The following COL14A1 variants were observed in gnomAD, a reference collection of about 807,000 sequenced individuals.
The protein encoded by COL14A1 is collagen type XIV alpha 1 chain.
A neutral mutation model predicts 230.3 loss-of-function variants in COL14A1; 136 were observed. That is an observed-to-expected ratio of 0.59 (90% CI 0.51 to 0.68). The LOEUF (loss-of-function observed/expected upper bound fraction) is 0.68, where lower values mean the gene tolerates loss of function less well. Ranked by LOEUF, COL14A1 falls within the 30% of genes least tolerant of loss-of-function variation. The probability of loss-of-function intolerance (pLI) is 0.00; values close to 1 mark genes in which losing one functional copy is unlikely to be tolerated. For synonymous variants in COL14A1, 792 were observed against 784.1 expected (o/e 1.01, Z -0.17); for missense variants, 1,976 against 2,215.8 (o/e 0.89, Z 2.17).
intron 26 of COL14A1, among the ~76,000 whole-genome samples, chr8:120,271,662 G>A (rs950491432): frequency 6.6e-6 from 1 of 151,616 alleles, no homozygotes; most frequent in Non-Finnish European, 1.5e-5. Context: ...CCCAAGGTGA[G>A]AATGAGTTTT....
At chr8:120,182,941 G>T (rs1208892826) in intron 5 of COL14A1, among the ~76,000 whole-genome samples, 1 of 151,812 alleles carries the variant, frequency 6.6e-6, no homozygotes, top group Non-Finnish European at 1.5e-5. Flanking sequence ...TGCCCAGGGT[G>T]GTCTCAAACT....
At position 120,147,810 on chromosome 8, in the gene COL14A1, C is replaced by G; in HGVS notation, c.-33C>G. On this transcript the variant is annotated 5_prime_UTR_variant, in exon 2 of 48. Coordinates refer to ENST00000297848, the MANE Select transcript of COL14A1 (RefSeq NM_021110.4). ...TCCTGTTCTCTCTGTTTCTAGGTGG[C>G]TGCTACACCCCATGTAAAAAGCGGA... The G allele has an allele frequency of 1.9e-6, 3 of 1,538,834 alleles. No individual in the cohort carries two copies. The highest frequency in any genetic ancestry group is 2.7e-6 in the Non-Finnish European group (3 of 1,116,712).
intron 23 of COL14A1, among the ~76,000 whole-genome samples, chr8:120,261,288 A>G (rs538563395): frequency 6.6e-6 from 1 of 152,338 alleles, no homozygotes; most frequent in South Asian, 2.1e-4. Flanking sequence ...TGAAGAAGTT[A>G]TTAACTTTTC....
intron 19 of COL14A1, chr8:120,231,894 C>T (rs563301173): frequency 4.1e-5 from 13 of 317,386 alleles, no homozygotes; most frequent in African/African-American, 1.1e-4. Context: ...CCTGTTCGAG[C>T]ACCAAAGTTG....
rs374103970 is a variant in COL14A1, at chr8:120,353,479, G to T, written c.5077+7916G>T. ...ACCTACAAAATGGGAGAAAATTTTCGCAACCTACTCATCTGACAAAGGGCT... is the reference window on the plus strand; with the variant it reads ...ACCTACAAAATGGGAGAAAATTTTCTCAACCTACTCATCTGACAAAGGGCT... On this transcript the variant is annotated intron_variant, in intron 45 of 47. Transcript: ENST00000297848. Among the ~76,000 whole-genome samples, 7 of 134,704 alleles carry T rather than the reference G, an allele frequency of 5.2e-5. No homozygotes were observed. The East Asian group carries it at 6.6e-4, about 13-fold the overall frequency. 88.4% of individuals were successfully genotyped at this position (134,704 alleles called of 152,430 possible). A position where few individuals can be genotyped will look rare whatever the true frequency, so the allele number is the denominator to read the frequency against.
chr8:120,232,097 G>A (rs545819940), intron 19 of COL14A1: 1 of 152,366 alleles, frequency 6.6e-6, no homozygotes, highest in Non-Finnish European at 1.5e-5. Flanking sequence ...TTAACCAATA[G>A]TTATATTTTT....
At chr8:120,340,624 TG>T (rs1822260651) in intron 42 of COL14A1, among the ~76,000 whole-genome samples, 2 of 152,226 alleles carry the variant, frequency 1.3e-5, no homozygotes, top group Admixed American at 1.3e-4. Context: ...TTGCATTAGA[TG>T]TATGATTTTT....
chr8:120,312,816 T>G (rs1821088438), intron 37 of COL14A1, among the ~76,000 whole-genome samples: 1 of 152,188 alleles, frequency 6.6e-6, no homozygotes, highest in South Asian at 2.1e-4. Context: ...TTCTGTATTC[T>G]TTGTCCCATG....
At chr8:120,192,549 T>A (rs1816864745) in intron 5 of COL14A1, among the ~76,000 whole-genome samples, 1 of 152,172 alleles carries the variant, frequency 6.6e-6, no homozygotes, top group African/African-American at 2.4e-5. Flanking sequence ...TCGAGGAGTA[T>A]CTTTGTGGCG....
chr8:120,229,672 C>A (rs1818207759), intron 18 of COL14A1, among the ~76,000 whole-genome samples: 1 of 152,112 alleles, frequency 6.6e-6, no homozygotes, highest in Non-Finnish European at 1.5e-5. Flanking sequence ...TTCTAGATCC[C>A]TGAGGAATCG....
chr8:120,328,397 A>ATT (rs35635525), intron 40 of COL14A1, among the ~76,000 whole-genome samples: 178 of 141,548 alleles, frequency 1.3e-3, no homozygotes, highest in African/African-American at 2.9e-3. Flanking sequence ...TTTTTTTTTA[A>ATT]TTTTTTTTTT....
chr8:120,131,838 CTTTTTTTTTTTTTTT>C (rs1172286717), intron 1 of COL14A1, among the ~76,000 whole-genome samples: 4 of 68,950 alleles, frequency 5.8e-5, no homozygotes, highest in South Asian at 1.2e-3. Flanking sequence ...TTCTTCCTTT[CTTTTTTTTTTTTTTT>C]TTTTTTTTTT....
chr8:120,162,600 G>A (rs376243865), intron 4 of COL14A1, 31 bp downstream of exon 4: 20 of 1,553,434 alleles, frequency 1.3e-5, no homozygotes, highest in African/African-American at 1.1e-4. Flanking sequence ...AAGCACCTCC[G>A]CAGGACTCTG....
chr8:120,216,309 A>G, intron 13 of COL14A1, 42 bp from the exon 14 acceptor site: 2 of 1,556,138 alleles, frequency 1.3e-6, no homozygotes, highest in South Asian at 1.2e-5. Context: ...ACATGTATGT[A>G]ATTTGACATT....
chr8:120,190,590 G>A (rs557345595), intron 5 of COL14A1, among the ~76,000 whole-genome samples: 2 of 152,254 alleles, frequency 1.3e-5, no homozygotes, highest in South Asian at 4.1e-4. Flanking sequence ...TAATGCCTAG[G>A]TTTTCTCCTC....
chr8:120,246,793 C>A (rs1211329612), intron 20 of COL14A1, among the ~76,000 whole-genome samples: 1 of 152,036 alleles, frequency 6.6e-6, no homozygotes, highest in Non-Finnish European at 1.5e-5. Context: ...TTACAACAGT[C>A]CTCCATATAA....
At chr8:120,210,362 G>T (rs572828497) in intron 12 of COL14A1, among the ~76,000 whole-genome samples, 96 of 152,270 alleles carry the variant, frequency 6.3e-4, no homozygotes, top group Non-Finnish European at 1.2e-3. Flanking sequence ...CCTAGAAATA[G>T]AGTTTATTTT....
chr8:120,199,111 A>G (rs1236046942), intron 7 of COL14A1, among the ~76,000 whole-genome samples: 4 of 152,188 alleles, frequency 2.6e-5, no homozygotes, highest in African/African-American at 9.6e-5. Context: ...AAAGGTTCAG[A>G]TCTGCTTGTA....
At chr8:120,277,749 G>T in intron 26 of COL14A1, 1 of 154,800 alleles carries the variant, frequency 6.5e-6, no homozygotes, top group Middle Eastern at 3.3e-3. Flanking sequence ...AGACACTAGG[G>T]GCTACTAGTA....
Sources: allele counts gnomAD v4.1 joint callset (sites outside exome capture counted in the v4.1 genomes callset), GRCh38; gene constraint gnomAD v4.1.1; transcripts MANE v1.5; gene names NCBI Gene and HGNC (gene_info 2026-07-23, HGNC 2026-07-21).